The following OTUB2 variants were observed in gnomAD, a reference collection of about 807,000 sequenced individuals.
The protein encoded by OTUB2 is OTU deubiquitinase, ubiquitin aldehyde binding 2.
In OTUB2, 21 loss-of-function variants were observed where a neutral mutation model predicts 25.1. The ratio of observed to expected loss-of-function variants is 0.84; its 90% CI spans 0.59 to 1.21. The LOEUF is 1.21. Among genes scored for constraint, OTUB2 ranks in the 50% most tolerant of loss-of-function variants. The probability of loss-of-function intolerance (pLI) is 0.00; values close to 1 mark genes in which losing one functional copy is unlikely to be tolerated. For synonymous variants in OTUB2, 122 were observed against 122.8 expected, an observed-to-expected ratio of 0.99 and a Z score of 0.04; for missense variants, 283 against 298.0, an observed-to-expected ratio of 0.95 and a Z score of 0.37.
In OTUB2 at chr14:94,026,477, G is replaced by A; in HGVS notation, c.-61G>A. The stretch of plus-strand genomic sequence containing the variant: ...GCGGAGCCCGCCCGCGCCTCCCGCG[G>A]CATTCCCGCACCGGATCGCTCCTCG... On this transcript the variant is annotated 5_prime_UTR_variant, in exon 1 of 6. Transcript: ENST00000203664. 1.5e-6 allele frequency: 2 copies of A among 1,326,732 alleles called. No homozygotes were observed. Among genetic ancestry groups the A allele is most frequent in the Non-Finnish European group, 9.7e-7 (1 of 1,033,458 alleles). The allele number at this position is 1,326,732 out of a possible 1,614,324, so 82.2% of individuals were successfully genotyped here.
intron 1 of OTUB2, among the ~76,000 whole-genome samples, chr14:94,029,659 A>G (rs1166416833): frequency 6.6e-6 from 1 of 152,162 alleles, no homozygotes; most frequent in Non-Finnish European, 1.5e-5. Flanking sequence ...GGTACCAAGG[A>G]TTAGGTATTC....
intron 1 of OTUB2, among the ~76,000 whole-genome samples, chr14:94,032,535 A>AT (rs1884982774): frequency 6.7e-6 from 1 of 150,300 alleles, no homozygotes; most frequent in Admixed American, 6.6e-5. Context: ...GAGATTCATC[A>AT]TAAGTACACG....
intron 1 of OTUB2, among the ~76,000 whole-genome samples, chr14:94,026,775 GC>G (rs1270650426): frequency 6.6e-6 from 1 of 152,152 alleles, no homozygotes. Context: ...TCGGCCCCGA[GC>G]CCCCGCCCCC....
intron 1 of OTUB2, among the ~76,000 whole-genome samples, chr14:94,033,014 T>A (rs1010185037): frequency 3.3e-5 from 5 of 152,202 alleles, no homozygotes; most frequent in Non-Finnish European, 5.9e-5. Flanking sequence ...TGGGTTCAAG[T>A]GAGTCTCCTG....
intron 1 of OTUB2, 53 bp downstream of exon 1, chr14:94,026,593 C>CTGGGGGGGGGGGGGGG: frequency 2.4e-6 from 1 of 408,502 alleles, no homozygotes; most frequent in East Asian, 9.2e-5. Flanking sequence ...GCGCGGTGGG[C>CTGGGGGGGGGGGGGGG]GGGGTCGCTG....
intron 4 of OTUB2, 123 bp from the exon 5 acceptor site, chr14:94,044,463 C>T: frequency 1.9e-6 from 2 of 1,036,882 alleles, no homozygotes; most frequent in South Asian, 3.3e-5. Flanking sequence ...TCTAACTCAA[C>T]CTGAGAATCT....
intron 3 of OTUB2, among the ~76,000 whole-genome samples, chr14:94,041,089 G>C (rs970322768): frequency 1.3e-5 from 2 of 152,224 alleles, no homozygotes; most frequent in Non-Finnish European, 2.9e-5. Flanking sequence ...GATGGCTGTG[G>C]CATGAGCAGG....
rs1046211891 is a variant in OTUB2, at chr14:94,047,461, C to T, written c.*1539C>T. 2 of 152,218 alleles carry T rather than the reference C, an allele frequency of 1.3e-5. No homozygotes were observed. Among genetic ancestry groups the T allele is most frequent in the Non-Finnish European group, 2.9e-5 (2 of 68,036 alleles). The allele number at this position is 152,218 out of a possible 1,614,324, so 9.4% of individuals were successfully genotyped here. On this transcript the variant is annotated 3_prime_UTR_variant, in exon 6 of 6. Coordinates refer to ENST00000203664, the MANE Select transcript of OTUB2 (RefSeq NM_023112.4). The stretch of plus-strand genomic sequence containing the variant: ...CAGCTGGAGTTTGGATCCAAAGGCT[C>T]TGGCTAAGTCATTATGTCACTTTTT...
intron 1 of OTUB2, among the ~76,000 whole-genome samples, chr14:94,026,901 G>T (rs894311651): frequency 1.3e-5 from 2 of 152,216 alleles, no homozygotes; most frequent in Non-Finnish European, 2.9e-5. Context: ...TCTTTGTTAA[G>T]TAGCCCCCCA....
intron 1 of OTUB2, among the ~76,000 whole-genome samples, chr14:94,033,719 G>T (rs1188002572): frequency 6.6e-6 from 1 of 152,196 alleles, no homozygotes; most frequent in African/African-American, 2.4e-5. Context: ...GAGTGGGAAC[G>T]AATTGGGCAG....
chr14:94,042,416 G>A (rs573903536), intron 3 of OTUB2, among the ~76,000 whole-genome samples: 5 of 151,520 alleles, frequency 3.3e-5, no homozygotes, highest in African/African-American at 7.3e-5. Flanking sequence ...GCTTATCTCC[G>A]TGCCCCAGTG....
chr14:94,037,823 G>A (rs1394981425), intron 2 of OTUB2, among the ~76,000 whole-genome samples: 2 of 152,200 alleles, frequency 1.3e-5, no homozygotes, highest in Non-Finnish European at 2.9e-5. Flanking sequence ...TTCATGAGTG[G>A]CCAAGCTAGG....
At chr14:94,043,273 G>A (rs896755496) in intron 3 of OTUB2, among the ~76,000 whole-genome samples, 2 of 152,236 alleles carry the variant, frequency 1.3e-5, no homozygotes, top group Non-Finnish European at 2.9e-5. Flanking sequence ...TGGAGAACTA[G>A]GTGTGGCCTT....
In OTUB2 at chr14:94,043,970, G is replaced by A. The variant is rs750954868; in HGVS notation, c.219-1G>A. 1.9e-6 allele frequency: 3 copies of A among 1,613,980 alleles called. No homozygotes were observed. Among genetic ancestry groups the A allele is most frequent in the Non-Finnish European group, 1.7e-6 (2 of 1,179,810 alleles). On this transcript the variant is annotated splice_acceptor_variant, in intron 3 of 5. Coordinates refer to ENST00000203664, the MANE Select transcript of OTUB2 (RefSeq NM_023112.4). LOFTEE classifies it high-confidence loss of function. ...AAACACTCAGTCTTCCCCCTCTGTA[G>A]GTTCAAAGAACGCGTACTGCAGACC...
At chr14:94,042,345 G>A (rs555631234) in intron 3 of OTUB2, among the ~76,000 whole-genome samples, 4 of 152,182 alleles carry the variant, frequency 2.6e-5, no homozygotes, top group Admixed American at 1.3e-4. Context: ...CTTGCCTCTC[G>A]GGGGTGCATG....
intron 3 of OTUB2, 95 bp from the exon 4 acceptor site, chr14:94,043,871 AGGTTG>A: frequency 9.6e-7 from 1 of 1,037,776 alleles, no homozygotes. Context: ...ACTAGAGATG[AGGTTG>A]GTGGGCGCAG....
chr14:94,040,109 T>G (rs1484637303), intron 3 of OTUB2, among the ~76,000 whole-genome samples: 1 of 152,054 alleles, frequency 6.6e-6, no homozygotes, highest in Non-Finnish European at 1.5e-5. Context: ...AAAACCTCTT[T>G]CGGTGGAAAA....
At chr14:94,044,335 G>T (rs569073258) in intron 4 of OTUB2, among the ~76,000 whole-genome samples, 3 of 152,296 alleles carry the variant, frequency 2.0e-5, no homozygotes, top group African/African-American at 7.2e-5. Flanking sequence ...CCAAACCCAG[G>T]TAGTCATGGT....
At chr14:94,031,453 A>T (rs1166911107) in intron 1 of OTUB2, among the ~76,000 whole-genome samples, 1 of 152,134 alleles carries the variant, frequency 6.6e-6, no homozygotes, top group Non-Finnish European at 1.5e-5. Flanking sequence ...GAAAACCAGA[A>T]GACAGTGGGG....
Sources: allele counts gnomAD v4.1 joint callset (sites outside exome capture counted in the v4.1 genomes callset), GRCh38; gene constraint gnomAD v4.1.1; transcripts MANE v1.5; gene names NCBI Gene and HGNC (gene_info 2026-07-23, HGNC 2026-07-21).